DIAPH2: variants seen among roughly 807,000 people sequenced by gnomAD.
DIAPH2 encodes the protein diaphanous related formin 2.
DIAPH2 carries 35 observed loss-of-function variants against 92.7 expected under a neutral mutation model. The observed-to-expected ratio is 0.38, with a 90% CI of 0.29 to 0.50. The LOEUF is 0.50. Ranked by LOEUF, DIAPH2 falls within the 20% of genes least tolerant of loss-of-function variation. DIAPH2 has a pLI of 0.94. For missense variants in DIAPH2, 701 were observed against 819.5 expected (o/e 0.86, Z 1.77); for synonymous variants, 301 against 280.4 (o/e 1.07, Z -0.73).
At chrX:97,050,888 G>C (rs1457388523) in intron 17 of DIAPH2, among the ~76,000 whole-genome samples, 4 of 111,776 alleles carry the variant, frequency 3.6e-5, no homozygotes, top group Non-Finnish European at 7.6e-5. Flanking sequence ...ATTGTGTTTT[G>C]AGTTTGCAAT....
chrX:97,276,247 G>A (rs1178942060), intron 23 of DIAPH2, among the ~76,000 whole-genome samples: 23 of 111,838 alleles, frequency 2.1e-4, no homozygotes, highest in Non-Finnish European at 5.6e-5. Flanking sequence ...GCTTCGGCTC[G>A]GCATCTGAGG....
intron 20 of DIAPH2, among the ~76,000 whole-genome samples, chrX:97,105,420 TA>T (rs2066933395): frequency 2.7e-5 from 3 of 111,992 alleles, no homozygotes; most frequent in Non-Finnish European, 5.6e-5. Flanking sequence ...TAATCTTGTT[TA>T]GGGGGTAGAT....
At chrX:97,338,208 A>G (rs1209630927) in intron 23 of DIAPH2, among the ~76,000 whole-genome samples, 2 of 111,207 alleles carry the variant, frequency 1.8e-5, no homozygotes, top group Non-Finnish European at 3.8e-5. Context: ...TTTAGTCTAT[A>G]TCTTGAACTA....
intron 16 of DIAPH2, among the ~76,000 whole-genome samples, chrX:96,959,957 T>C (rs1423414761): frequency 9.0e-6 from 1 of 111,475 alleles, no homozygotes; most frequent in Non-Finnish European, 1.9e-5. Flanking sequence ...GGGTTCTCTA[T>C]TCTATTCCAT....
At chrX:97,506,410 G>A (rs1168063450) in intron 26 of DIAPH2, among the ~76,000 whole-genome samples, 2 of 103,804 alleles carry the variant, frequency 1.9e-5, no homozygotes, top group East Asian at 6.1e-4. Context: ...CTTGGCCCCC[G>A]AAAGTGCTGG....
At chrX:97,542,285 A>T (rs1245469517) in intron 26 of DIAPH2, among the ~76,000 whole-genome samples, 1 of 111,984 alleles carries the variant, frequency 8.9e-6, no homozygotes, top group East Asian at 2.8e-4. Flanking sequence ...TTCAGGCTCC[A>T]AGTTGAGGGA....
intron 5 of DIAPH2, among the ~76,000 whole-genome samples, chrX:96,881,992 C>T (rs1484208331): frequency 3.6e-5 from 4 of 110,786 alleles, no homozygotes; most frequent in Non-Finnish European, 7.5e-5. Flanking sequence ...TTTGTGGGAT[C>T]AGATAATTAT....
chrX:96,748,678 G>A (rs917251106), intron 3 of DIAPH2, among the ~76,000 whole-genome samples: 1 of 111,365 alleles, frequency 9.0e-6, no homozygotes, highest in African/African-American at 3.3e-5. Flanking sequence ...ATAAGGTGGA[G>A]TTATAAAAGA....
intron 26 of DIAPH2, among the ~76,000 whole-genome samples, chrX:97,453,736 G>C (rs2070378097): frequency 8.9e-6 from 1 of 111,867 alleles, no homozygotes. Flanking sequence ...ATTGAAGCAA[G>C]TACATGGTGG....
At chrX:97,185,495 A>G (rs1406905800) in intron 22 of DIAPH2, among the ~76,000 whole-genome samples, 14 of 50,253 alleles carry the variant, frequency 2.8e-4, no homozygotes, top group African/African-American at 1.1e-3. Context: ...ATATATATAT[A>G]TATATATATA....
At chrX:97,567,316 C>G (rs1003386445) in intron 26 of DIAPH2, among the ~76,000 whole-genome samples, 40 of 112,169 alleles carry the variant, frequency 3.6e-4, no homozygotes, top group African/African-American at 1.2e-3. Flanking sequence ...TTTGTCTCCA[C>G]TAAATGAATA....
intron 26 of DIAPH2, among the ~76,000 whole-genome samples, chrX:97,583,049 A>G (rs1317728388): frequency 9.0e-6 from 1 of 111,061 alleles, no homozygotes; most frequent in Admixed American, 9.5e-5. Flanking sequence ...ACTTCTCTGT[A>G]TTGGTTATTC....
intron 23 of DIAPH2, among the ~76,000 whole-genome samples, chrX:97,335,747 T>C (rs2069052561): frequency 1.8e-5 from 2 of 112,090 alleles, no homozygotes. Context: ...TTGTATTCTA[T>C]GCTTCATTTA....
intron 7 of DIAPH2, among the ~76,000 whole-genome samples, chrX:96,916,079 A>G (rs1466533046): frequency 1.8e-5 from 2 of 111,896 alleles, no homozygotes; most frequent in African/African-American, 6.5e-5. Flanking sequence ...AATTCCAGAC[A>G]TCTCCAGGGA....
At chrX:97,533,975 C>T (rs1001477636) in intron 26 of DIAPH2, among the ~76,000 whole-genome samples, 2 of 111,452 alleles carry the variant, frequency 1.8e-5, no homozygotes, top group Non-Finnish European at 3.8e-5. Context: ...TCTAACTCAA[C>T]CAAAATGAGC....
intron 22 of DIAPH2, among the ~76,000 whole-genome samples, chrX:97,243,730 C>T (rs913534567): frequency 3.6e-5 from 4 of 111,421 alleles, no homozygotes; most frequent in Admixed American, 1.9e-4. Context: ...TCCCGAACCA[C>T]GTCTATATAT....
intron 23 of DIAPH2, among the ~76,000 whole-genome samples, chrX:97,301,116 A>C (rs2068700667): frequency 1.0e-5 from 1 of 97,860 alleles, no homozygotes; most frequent in African/African-American, 3.8e-5. Flanking sequence ...GCGCCACTGC[A>C]CTCCAGCGTA....
Position 97,323,402 on chromosome X carries a change from G to A in DIAPH2, c.2845-24714G>A, listed in dbSNP as rs1187836006. 3.1e-5 allele frequency among the ~76,000 whole-genome samples: 3 copies of A among 95,593 alleles called. No individual in the cohort carries two copies. The East Asian group carries it at 1.1e-3, about 34-fold the overall frequency. 83.0% of individuals were successfully genotyped at this position (95,593 alleles called of 115,157 possible). ...GTCAGGAGATCGAGACCATCCTGGCGAACACGGTGAAACCCTGTCTCTACT... is the reference window on the plus strand; with the variant it reads ...GTCAGGAGATCGAGACCATCCTGGCAAACACGGTGAAACCCTGTCTCTACT... On this transcript the variant is annotated intron_variant, in intron 23 of 26. Coordinates refer to ENST00000324765, the MANE Select transcript of DIAPH2 (RefSeq NM_006729.5).
intron 26 of DIAPH2, among the ~76,000 whole-genome samples, chrX:97,471,916 T>C (rs1263409028): frequency 1.8e-5 from 2 of 110,722 alleles, no homozygotes. Flanking sequence ...TCGCAGCTGG[T>C]GAATGGCTGA....
Sources: gnomAD v4.1 joint callset for allele counts (sites outside exome capture counted in the v4.1 genomes callset) on GRCh38, gnomAD v4.1.1 for gene constraint, MANE v1.5 for transcripts, NCBI Gene and HGNC (gene_info 2026-07-23, HGNC 2026-07-21) for gene names.